CIBAR1: variants seen among roughly 807,000 people sequenced by gnomAD.
The protein encoded by CIBAR1 is CBY1 interacting BAR domain containing 1, also known as CBY1-interacting BAR domain-containing protein 1.
In CIBAR1, 25 loss-of-function variants were observed where a neutral mutation model predicts 44.0. The observed-to-expected ratio is 0.57, with a 90% CI of 0.41 to 0.79. The LOEUF (loss-of-function observed/expected upper bound fraction) is 0.79. CIBAR1 is among the 30% of genes least tolerant of loss of function. CIBAR1 has a pLI of 0.00. For synonymous variants in CIBAR1, 115 were observed against 119.0 expected, an observed-to-expected ratio of 0.97 and a Z score of 0.22; for missense variants, 278 against 344.8, an observed-to-expected ratio of 0.81 and a Z score of 1.53.
At chr8:93,715,473 A>AT (rs1159782966) in intron 6 of CIBAR1, 1 of 152,138 alleles carries the variant, frequency 6.6e-6, no homozygotes, top group African/African-American at 2.4e-5. Flanking sequence ...AAAAATATTC[A>AT]TTTTTTATTT....
chr8:93,704,852 A>T (rs137912516), intron 3 of CIBAR1, 57 bp from the exon 4 acceptor site: 1 of 1,054,690 alleles, frequency 9.5e-7, no homozygotes, highest in Non-Finnish European at 1.4e-6. Context: ...TTCCATTCTT[A>T]AAACTGAATT....
At chr8:93,721,647 G>T (rs1325944517) in intron 7 of CIBAR1, among the ~76,000 whole-genome samples, 1 of 152,170 alleles carries the variant, frequency 6.6e-6, no homozygotes, top group African/African-American at 2.4e-5. Flanking sequence ...CTCATATAGT[G>T]TTTGTTCAAC....
chr8:93,702,521 T>C (rs1418054152), intron 2 of CIBAR1: 1 of 455,598 alleles, frequency 2.2e-6, no homozygotes, highest in African/African-American at 2.0e-5. Context: ...ATGGTGGAGG[T>C]CCTAATGAAC....
chr8:93,708,073 G>C, intron 5 of CIBAR1, 57 bp downstream of exon 5: 1 of 1,323,528 alleles, frequency 7.6e-7, no homozygotes. Context: ...CCTTTTACTT[G>C]TTTCAATTTA....
chr8:93,709,290 TAAATA>T, intron 5 of CIBAR1, among the ~76,000 whole-genome samples: 1 of 151,876 alleles, frequency 6.6e-6, no homozygotes, highest in East Asian at 1.9e-4. Context: ...CAAAAAAAAA[TAAATA>T]AAAAAGAGAT....
At chr8:93,725,683 GGGTTT>G (rs1351278367) in intron 7 of CIBAR1, among the ~76,000 whole-genome samples, 1 of 152,066 alleles carries the variant, frequency 6.6e-6, no homozygotes, top group East Asian at 1.9e-4. Flanking sequence ...TTTGTTGGTT[GGGTTT>G]GAAGTTTTGG....
chr8:93,722,051 CA>C (rs1175195993), intron 7 of CIBAR1, among the ~76,000 whole-genome samples: 1 of 152,074 alleles, frequency 6.6e-6, no homozygotes, highest in African/African-American at 2.4e-5. Flanking sequence ...AAAACAAAAA[CA>C]AAACAGCACA....
chr8:93,703,142 G>GA (rs902526530), intron 2 of CIBAR1, among the ~76,000 whole-genome samples: 19 of 151,026 alleles, frequency 1.3e-4, no homozygotes, highest in Non-Finnish European at 2.4e-4. Context: ...TGGCTTCTCA[G>GA]AAAAAAAAAT....
At chr8:93,726,574 T>TA in intron 8 of CIBAR1, 61 bp downstream of exon 8, 1 of 1,583,144 alleles carries the variant, frequency 6.3e-7, no homozygotes, top group South Asian at 1.1e-5. Flanking sequence ...TGTTGAGTTC[T>TA]AAAAATGTTT....
At chr8:93,700,813 G>A (rs1410698161) in intron 1 of CIBAR1, 140 bp downstream of exon 1, 2 of 1,330,382 alleles carry the variant, frequency 1.5e-6, no homozygotes, top group African/African-American at 3.1e-5. Flanking sequence ...TGTGACCTGG[G>A]GCCTAATTCC....
intron 2 of CIBAR1, chr8:93,702,410 A>G (rs1810399734): frequency 2.5e-6 from 1 of 397,690 alleles, no homozygotes. Context: ...ATTTTAGCCA[A>G]TAATTTCAAT....
At chr8:93,709,657 T>C (rs1385681467) in intron 5 of CIBAR1, 114 bp from the exon 6 acceptor site, 16 of 773,162 alleles carry the variant, frequency 2.1e-5, no homozygotes, top group Non-Finnish European at 3.2e-5. Flanking sequence ...ATTAACAATT[T>C]ACACTGTTAT....
Position 93,728,259 on chromosome 8 carries a change from G to A in CIBAR1, c.832G>A (p.Glu278Lys), listed in dbSNP as rs768537800. The change falls in exon 9 of 9, where the codon GAG (glutamate) becomes AAG (lysine). Residue 278 changes from glutamate (E) to lysine (K), a missense_variant. Physicochemically the swap from Glu to Lys is moderately conservative, Grantham distance 56 (BLOSUM62 1). Around this residue, in one of 3 missense-constraint regions of CIBAR1, gnomAD observed 93 missense variants for 108.9 expected, o/e 0.85. Coordinates refer to ENST00000518322, the MANE Select transcript of CIBAR1 (RefSeq NM_145269.5). ...DQQAEDDEDD[E>K]LDVTEEENFL... is the part of the protein sequence containing the mutation. ...ACAAGCAGAAGATGATGAGGATGAC[G>A]AGTTAGATGTTACAGAAGAAGAAAA... The A allele has an allele frequency of 3.8e-6, 6 of 1,596,760 alleles. No individual in the cohort carries two copies. The highest frequency in any genetic ancestry group is 2.3e-5 in the East Asian group (1 of 43,874).
At chr8:93,714,845 C>T (rs188145518) in intron 6 of CIBAR1, among the ~76,000 whole-genome samples, 3 of 152,274 alleles carry the variant, frequency 2.0e-5, no homozygotes, top group East Asian at 3.9e-4. Context: ...TAGCATGTCT[C>T]ATAAACATTT....
At chr8:93,716,105 A>G in intron 6 of CIBAR1, 1 of 152,382 alleles carries the variant, frequency 6.6e-6, no homozygotes, top group Non-Finnish European at 1.5e-5. Flanking sequence ...GTATGGTGGC[A>G]TGATCTTGGG....
chr8:93,727,133 G>GTAAAT (rs1331680635), intron 8 of CIBAR1: 3 of 1,152,148 alleles, frequency 2.6e-6, no homozygotes, highest in Admixed American at 4.6e-5. Context: ...AAAAGCAGGA[G>GTAAAT]GCTGGCTGGG....
Position 93,718,664 on chromosome 8 carries a change from G to GT in CIBAR1, c.544-3dup, listed in dbSNP as rs749874325. ...ATCATTGTTTAAATTCAATTCTTTG[G>GT]TTTTTTTTAGACTATATTTTCTGAA... On this transcript the variant is annotated splice_polypyrimidine_tract_variant and intron_variant, in intron 6 of 8. Transcript: ENST00000518322. The GT allele has an allele frequency of 1.3e-4, 188 of 1,446,626 alleles. No individual in the cohort carries two copies. The highest frequency in any genetic ancestry group is 2.6e-4 in the South Asian group (19 of 74,424). The allele number at this position is 1,446,626 out of a possible 1,614,324, so 89.6% of individuals were successfully genotyped here.
chr8:93,718,829 TGG>T (rs772756545), intron 7 of CIBAR1, 41 bp downstream of exon 7: 19 of 1,194,756 alleles, frequency 1.6e-5, no homozygotes, highest in Non-Finnish European at 2.1e-5. Flanking sequence ...TCTGTTAATG[TGG>T]AAATATTTAA....
intron 3 of CIBAR1, 56 bp downstream of exon 3, chr8:93,703,744 GTTTCCAATTGT>G: frequency 7.4e-7 from 1 of 1,345,850 alleles, no homozygotes; most frequent in Middle Eastern, 2.0e-4. Flanking sequence ...AGACTATGAG[GTTTCCAATTGT>G]TTTTTTAAAT....
Sources: allele counts gnomAD v4.1 joint callset (sites outside exome capture counted in the v4.1 genomes callset), GRCh38; gene constraint gnomAD v4.1.1; regional missense constraint gnomAD v4.1.1; transcripts MANE v1.5; gene names NCBI Gene and HGNC (gene_info 2026-07-23, HGNC 2026-07-21).